Variants in ATG10 observed in about 807,000 individuals in gnomAD.
The protein encoded by ATG10 is ubiquitin-like-conjugating enzyme ATG10.
Under a neutral mutation model 32.1 loss-of-function variants are expected in ATG10, and 30 were observed. The observed-to-expected ratio is 0.94, with a 90% CI of 0.70 to 1.27. The LOEUF (loss-of-function observed/expected upper bound fraction) is 1.27. Ranked by LOEUF, ATG10 falls within the 50% of genes most tolerant of loss-of-function variation. The pLI is 0.00. For synonymous variants in ATG10, 87 were observed against 91.5 expected (o/e 0.95, Z 0.28); for missense variants, 233 against 262.3 (o/e 0.89, Z 0.77).
At chr5:82,075,456 T>G (rs1336031003) in intron 3 of ATG10, among the ~76,000 whole-genome samples, 1 of 152,224 alleles carries the variant, frequency 6.6e-6, no homozygotes, top group Admixed American at 6.5e-5. Context: ...TGTATTTAGT[T>G]GTTTGTGTTT....
chr5:82,200,478 T>A (rs557168792), intron 5 of ATG10, among the ~76,000 whole-genome samples: 1 of 130,400 alleles, frequency 7.7e-6, no homozygotes, highest in Non-Finnish European at 1.6e-5. Context: ...TTTTTTTTTT[T>A]TTTTTTTTTT....
intron 3 of ATG10, among the ~76,000 whole-genome samples, chr5:82,116,232 T>A (rs577473737): frequency 6.6e-6 from 1 of 152,084 alleles, no homozygotes; most frequent in South Asian, 2.1e-4. Flanking sequence ...CATATAGTAG[T>A]TGGCATTGAA....
intron 1 of ATG10, among the ~76,000 whole-genome samples, chr5:81,984,305 C>T (rs555393919): frequency 3.3e-5 from 5 of 152,382 alleles, no homozygotes; most frequent in African/African-American, 1.2e-4. Flanking sequence ...CGCGCGCCTG[C>T]AATCGCAGGC....
chr5:81,983,083 G>C (rs1256010093), intron 1 of ATG10, among the ~76,000 whole-genome samples: 1 of 152,176 alleles, frequency 6.6e-6, no homozygotes, highest in South Asian at 2.1e-4. Flanking sequence ...CCTCCCAGAC[G>C]GGGTGGTGGC....
intron 3 of ATG10, among the ~76,000 whole-genome samples, chr5:82,112,254 A>C (rs1482551372): frequency 6.6e-6 from 1 of 151,916 alleles, no homozygotes; most frequent in African/African-American, 2.4e-5. Context: ...AGAACTTTGC[A>C]GGTGGTGATC....
chr5:82,076,097 C>T (rs904339101), intron 3 of ATG10, among the ~76,000 whole-genome samples: 8 of 152,094 alleles, frequency 5.3e-5, no homozygotes, highest in African/African-American at 9.7e-5. Flanking sequence ...GAGTTAGTGC[C>T]GATACTTATA....
At chr5:82,200,416 C>T (rs1199579885) in intron 5 of ATG10, among the ~76,000 whole-genome samples, 2 of 132,512 alleles carry the variant, frequency 1.5e-5, no homozygotes, top group South Asian at 2.5e-4. Flanking sequence ...GTTTACCATT[C>T]GTATATTTTC....
chr5:82,128,128 T>G (rs1230105879), intron 3 of ATG10, among the ~76,000 whole-genome samples: 3 of 152,078 alleles, frequency 2.0e-5, no homozygotes, highest in African/African-American at 7.2e-5. Flanking sequence ...TTTTTTTGCC[T>G]TCCATTTGCT....
At chr5:82,138,868 TCCCC>T (rs1561319881) in intron 3 of ATG10, among the ~76,000 whole-genome samples, 3 of 18,934 alleles carry the variant, frequency 1.6e-4, no homozygotes, top group Admixed American at 5.6e-4. Context: ...CCCCTCCCCC[TCCCC>T]CTCCCCCTCT....
intron 5 of ATG10, among the ~76,000 whole-genome samples, chr5:82,203,898 G>A (rs1745181466): frequency 6.6e-6 from 1 of 152,052 alleles, no homozygotes; most frequent in South Asian, 2.1e-4. Flanking sequence ...TGCGGTCCCA[G>A]GTATAATCAA....
At chr5:82,190,133 G>T (rs545799337) in intron 5 of ATG10, among the ~76,000 whole-genome samples, 1 of 151,900 alleles carries the variant, frequency 6.6e-6, no homozygotes, top group Non-Finnish European at 1.5e-5. Context: ...CATATTTTGC[G>T]CTGTCTTCAA....
intron 4 of ATG10, among the ~76,000 whole-genome samples, chr5:82,177,558 T>C (rs561419795): frequency 8.8e-4 from 134 of 152,276 alleles, no homozygotes; most frequent in African/African-American, 3.1e-3. Flanking sequence ...TCAAGTTATA[T>C]TGGATTCTAG....
intron 3 of ATG10, among the ~76,000 whole-genome samples, chr5:82,153,386 G>A (rs1429346926): frequency 1.3e-5 from 2 of 152,132 alleles, no homozygotes; most frequent in Non-Finnish European, 2.9e-5. Flanking sequence ...GCATTCTCAA[G>A]CAGAAACTAT....
chr5:82,055,841 T>G (rs1031052661), intron 2 of ATG10, among the ~76,000 whole-genome samples: 19 of 152,182 alleles, frequency 1.2e-4, no homozygotes, highest in African/African-American at 4.3e-4. Flanking sequence ...TACATTTTCT[T>G]TGTTTAGATA....
chr5:82,185,427 A>G (rs1042501979), intron 5 of ATG10, among the ~76,000 whole-genome samples: 4 of 152,222 alleles, frequency 2.6e-5, no homozygotes, highest in African/African-American at 9.6e-5. Flanking sequence ...CCATGCAAGT[A>G]TTTAATACTA....
At chr5:82,064,057 A>C (rs1763867940) in intron 3 of ATG10, among the ~76,000 whole-genome samples, 1 of 152,222 alleles carries the variant, frequency 6.6e-6, no homozygotes, top group African/African-American at 2.4e-5. Flanking sequence ...AATAATCCTA[A>C]TTTGTACAAA....
chr5:82,085,865 G>T (rs928720803), intron 3 of ATG10, among the ~76,000 whole-genome samples: 4 of 151,936 alleles, frequency 2.6e-5, no homozygotes, highest in African/African-American at 4.8e-5. Flanking sequence ...TCCCCTATTA[G>T]ACCCTCAAAA....
At chr5:82,077,945 C>T (rs1477821449) in intron 3 of ATG10, among the ~76,000 whole-genome samples, 4 of 152,138 alleles carry the variant, frequency 2.6e-5, no homozygotes, top group Non-Finnish European at 4.4e-5. Context: ...AAATCACTCT[C>T]GTTTGATCAA....
chr5:82,113,220 A>G (rs540764981), intron 3 of ATG10, among the ~76,000 whole-genome samples: 45 of 151,782 alleles, frequency 3.0e-4, no homozygotes, highest in Non-Finnish European at 5.0e-4. Context: ...CAGATTTATG[A>G]TTTTTCTAAT....
Sources: allele counts gnomAD v4.1 joint callset (sites outside exome capture counted in the v4.1 genomes callset), GRCh38; gene constraint gnomAD v4.1.1; transcripts MANE v1.5; gene names NCBI Gene and HGNC (gene_info 2026-07-23, HGNC 2026-07-21).